AOPEP: variants seen among roughly 807,000 people sequenced by gnomAD.
AOPEP encodes the protein aminopeptidase O (putative).
In AOPEP, 77 loss-of-function variants were observed where a neutral mutation model predicts 98.1. The ratio of observed to expected loss-of-function variants is 0.78; its 90% CI spans 0.65 to 0.95. The LOEUF is 0.95. Among genes scored for constraint, AOPEP ranks in the 40% least tolerant of loss-of-function variants. AOPEP has a pLI of 0.00. For synonymous variants in AOPEP, 346 were observed against 365.3 expected, an observed-to-expected ratio of 0.95 and a Z score of 0.60; for missense variants, 1,024 against 1,024.7, an observed-to-expected ratio of 1.00 and a Z score of 0.01.
At chr9:94,795,407 G>A (rs1285068689) in intron 4 of AOPEP, among the ~76,000 whole-genome samples, 1 of 152,128 alleles carries the variant, frequency 6.6e-6, no homozygotes, top group Non-Finnish European at 1.5e-5. Context: ...CTTGGTGGTT[G>A]GATATACCTC....
At chr9:94,964,635 C>CTTTT (rs1240777817) in intron 9 of AOPEP, among the ~76,000 whole-genome samples, 12 of 122,620 alleles carry the variant, frequency 9.8e-5, no homozygotes, top group Non-Finnish European at 1.5e-4. Flanking sequence ...AGTACTTGGA[C>CTTTT]TTTTTTTTTT....
intron 5 of AOPEP, among the ~76,000 whole-genome samples, chr9:94,918,919 TTTG>T (rs1040163805): frequency 8.6e-5 from 13 of 151,896 alleles, no homozygotes; most frequent in African/African-American, 1.7e-4. Context: ...TAATTTTAAT[TTTG>T]TTGTTGTTGT....
At position 95,047,626 on chromosome 9, in the gene AOPEP, T is replaced by C. The variant is rs553332673; in HGVS notation, c.2116-13068T>C. ...TGGGGCCACATCTTTCTGTTTTTGA[T>C]TGAAGTGCATTCTAGGAATACCTAC... is the stretch of plus-strand genomic sequence containing the variant. On this transcript the variant is annotated intron_variant, in intron 13 of 16. Coordinates refer to ENST00000375315, the MANE Select transcript of AOPEP (RefSeq NM_001193329.3). 3.3e-5 allele frequency among the ~76,000 whole-genome samples: 5 copies of C among 152,296 alleles called. 1 individual carries two copies. The highest frequency in any genetic ancestry group is 1.2e-4 in the African/African-American group (5 of 41,544).
intron 5 of AOPEP, among the ~76,000 whole-genome samples, chr9:94,870,816 A>C (rs1383134791): frequency 2.6e-5 from 4 of 152,194 alleles, no homozygotes; most frequent in African/African-American, 9.7e-5. Flanking sequence ...TAAAGTCACT[A>C]TCTTTTGGGT....
the AOPEP span, among the ~76,000 whole-genome samples, chr9:95,115,847 G>A: frequency 6.6e-6 from 1 of 152,114 alleles, no homozygotes; most frequent in South Asian, 2.1e-4. Context: ...CACTTGTAGT[G>A]TCTACACAGT....
chr9:94,813,408 T>C (rs1367043509), intron 5 of AOPEP, among the ~76,000 whole-genome samples: 1 of 152,220 alleles, frequency 6.6e-6, no homozygotes, highest in Admixed American at 6.5e-5. Context: ...ACTTTATAGC[T>C]TTCGGGGTGT....
At chr9:94,870,637 GC>G (rs1363902453) in intron 5 of AOPEP, among the ~76,000 whole-genome samples, 1 of 152,194 alleles carries the variant, frequency 6.6e-6, no homozygotes, top group Non-Finnish European at 1.5e-5. Flanking sequence ...CAGTGAGCCA[GC>G]CTTGTCTCAG....
chr9:95,020,766 A>G (rs2063381612), intron 13 of AOPEP, among the ~76,000 whole-genome samples: 1 of 151,818 alleles, frequency 6.6e-6, no homozygotes, highest in South Asian at 2.1e-4. Context: ...AAAAATGCAA[A>G]AATTAGCCAG....
chr9:94,727,901 C>T (rs1451300283), intron 1 of AOPEP, among the ~76,000 whole-genome samples: 1 of 152,100 alleles, frequency 6.6e-6, no homozygotes, highest in African/African-American at 2.4e-5. Context: ...ACAACCACCT[C>T]GTGAGTTAGG....
intron 14 of AOPEP, among the ~76,000 whole-genome samples, chr9:95,063,475 G>C (rs1019478799): frequency 6.6e-6 from 1 of 152,092 alleles, no homozygotes; most frequent in Non-Finnish European, 1.5e-5. Flanking sequence ...TTAGATCTCC[G>C]CAGACTCCAC....
chr9:95,037,966 C>T (rs541333208), intron 13 of AOPEP, among the ~76,000 whole-genome samples: 1 of 152,154 alleles, frequency 6.6e-6, no homozygotes, highest in South Asian at 2.1e-4. Flanking sequence ...TGTGGAGCTC[C>T]TTAGATGAAA....
chr9:94,903,255 T>A (rs2050666571), intron 5 of AOPEP, among the ~76,000 whole-genome samples: 1 of 151,918 alleles, frequency 6.6e-6, no homozygotes, highest in Non-Finnish European at 1.5e-5. Context: ...AGTGCTGGGA[T>A]TACAGGCATG....
intron 13 of AOPEP, among the ~76,000 whole-genome samples, chr9:95,052,760 G>T (rs997323044): frequency 5.9e-5 from 9 of 152,018 alleles, no homozygotes; most frequent in Admixed American, 1.3e-4. Context: ...GAAATTACTG[G>T]TTTTTTCCCT....
intron 5 of AOPEP, among the ~76,000 whole-genome samples, chr9:94,846,026 T>G (rs1169889775): frequency 2.0e-5 from 3 of 148,204 alleles, no homozygotes; most frequent in African/African-American, 7.5e-5. Context: ...ACCTGGGAGG[T>G]GGAGGTTGCA....
At chr9:94,858,621 T>C (rs2044531039) in intron 5 of AOPEP, among the ~76,000 whole-genome samples, 1 of 152,218 alleles carries the variant, frequency 6.6e-6, no homozygotes, top group African/African-American at 2.4e-5. Flanking sequence ...ACTGAATGTT[T>C]ATGTCCCTCC....
At chr9:94,986,741 C>A (rs942270130) in intron 11 of AOPEP, among the ~76,000 whole-genome samples, 2 of 152,142 alleles carry the variant, frequency 1.3e-5, no homozygotes, top group African/African-American at 4.8e-5. Context: ...AATATATTGA[C>A]CTCTTTACAG....
chr9:94,763,204 T>C (rs1418523522), intron 2 of AOPEP: 1 of 399,472 alleles, frequency 2.5e-6, no homozygotes, highest in African/African-American at 2.1e-5. Flanking sequence ...TTTTTGAATT[T>C]GATCTTCACG....
At chr9:94,820,056 C>T (rs1852706102) in intron 5 of AOPEP, among the ~76,000 whole-genome samples, 2 of 149,920 alleles carry the variant, frequency 1.3e-5, no homozygotes, top group Non-Finnish European at 3.0e-5. Flanking sequence ...AGTCATTCTC[C>T]TGCCTCACCC....
chr9:95,046,385 CT>C (rs1425988571), intron 13 of AOPEP, among the ~76,000 whole-genome samples: 8 of 152,274 alleles, frequency 5.3e-5, no homozygotes, highest in African/African-American at 1.9e-4. Flanking sequence ...TGGAGATTTA[CT>C]TTTGCCAAGA....
Sources: allele counts gnomAD v4.1 joint callset (sites outside exome capture counted in the v4.1 genomes callset), GRCh38; gene constraint gnomAD v4.1.1; transcripts MANE v1.5; gene names NCBI Gene and HGNC (gene_info 2026-07-23, HGNC 2026-07-21).